The following ATRNL1 variants were observed in gnomAD, a reference collection of about 807,000 sequenced individuals.
ATRNL1 encodes the protein attractin-like protein 1.
Under a neutral mutation model 182.7 loss-of-function variants are expected in ATRNL1, and 95 were observed. The observed-to-expected ratio is 0.52, with a 90% confidence interval of 0.44 to 0.62. The LOEUF (loss-of-function observed/expected upper bound fraction) is 0.62, where lower values mean the gene tolerates loss of function less well. Ranked by LOEUF, ATRNL1 falls within the 20% of genes least tolerant of loss-of-function variation. The probability of loss-of-function intolerance (pLI) is 0.00; values close to 1 mark genes in which losing one functional copy is unlikely to be tolerated. For missense variants in ATRNL1, 1,471 were observed against 1,679.5 expected (o/e 0.88, Z 2.17); for synonymous variants, 576 against 568.3 (o/e 1.01, Z -0.19).
chr10:115,323,917 A>G (rs36063526), intron 18 of ATRNL1, among the ~76,000 whole-genome samples: 47,877 of 151,536 alleles, frequency 0.32, 8,706 homozygotes, highest in Middle Eastern at 0.45. Context: ...AGCTGGAACT[A>G]CAGGCGCCTG....
At chr10:115,841,430 A>C (rs1950806304) in intron 27 of ATRNL1, among the ~76,000 whole-genome samples, 1 of 152,108 alleles carries the variant, frequency 6.6e-6, no homozygotes, top group African/African-American at 2.4e-5. Flanking sequence ...GAAACTTTGA[A>C]CACAGATTGA....
chr10:115,234,834 C>T (rs1592300236), intron 9 of ATRNL1, among the ~76,000 whole-genome samples: 1 of 152,184 alleles, frequency 6.6e-6, no homozygotes. Flanking sequence ...AGCCATCCGC[C>T]CGCCTTGGCC....
intron 19 of ATRNL1, among the ~76,000 whole-genome samples, chr10:115,386,100 G>A (rs1261619123): frequency 6.6e-6 from 1 of 151,942 alleles, no homozygotes; most frequent in Admixed American, 6.6e-5. Context: ...ATAGCCGGCT[G>A]GAATTGTATT....
At chr10:115,822,077 G>A (rs1950314677) in intron 27 of ATRNL1, among the ~76,000 whole-genome samples, 1 of 152,094 alleles carries the variant, frequency 6.6e-6, no homozygotes, top group Non-Finnish European at 1.5e-5. Flanking sequence ...ATAACAAACA[G>A]TCTCTTAGAC....
At position 115,622,710 on chromosome 10, in the gene ATRNL1, G is replaced by A. The variant is rs1226892287; in HGVS notation, c.3795+73174G>A. Among the ~76,000 whole-genome samples, 5 of 152,242 alleles carry A rather than the reference G, an allele frequency of 3.3e-5. No homozygotes were observed. The East Asian group carries it at 7.7e-4, about 24-fold the overall frequency. On this transcript the variant is annotated intron_variant, in intron 26 of 28. Transcript: ENST00000355044. Reference sequence around the variant, plus strand: ...TGGGAGGCCGAGGCAGGTGGATCACGAGGTCAGGAGATCGAGACCATCCTG... The same window carrying A: ...TGGGAGGCCGAGGCAGGTGGATCACAAGGTCAGGAGATCGAGACCATCCTG...
chr10:115,142,291 C>T (rs1845784217), intron 5 of ATRNL1, among the ~76,000 whole-genome samples: 1 of 152,104 alleles, frequency 6.6e-6, no homozygotes, highest in Non-Finnish European at 1.5e-5. Flanking sequence ...ATATAGATAT[C>T]TAGGGGAAGA....
chr10:115,179,027 T>A (rs1847644372), intron 8 of ATRNL1, among the ~76,000 whole-genome samples: 1 of 152,160 alleles, frequency 6.6e-6, no homozygotes, highest in Admixed American at 6.6e-5. Flanking sequence ...ATATATTAAA[T>A]GCTTGATAAA....
intron 28 of ATRNL1, among the ~76,000 whole-genome samples, chr10:115,907,358 A>G (rs1422770077): frequency 1.3e-5 from 2 of 152,240 alleles, no homozygotes; most frequent in Non-Finnish European, 2.9e-5. Flanking sequence ...TCATTCATAC[A>G]GTTGAGCTCA....
chr10:115,635,101 C>G (rs1807754983), intron 26 of ATRNL1, among the ~76,000 whole-genome samples: 1 of 152,004 alleles, frequency 6.6e-6, no homozygotes, highest in South Asian at 2.1e-4. Flanking sequence ...CTAAATGAGA[C>G]TTTTCAAATC....
rs1280124905 is a variant in ATRNL1, at chr10:115,193,075, A to C, written c.1348+21783A>C. ...GTCCTTTATTTCTTTCTCTTGTCTAATTGCTGTAGCTAGGACTTCCAGTAC... is the reference window on the plus strand; with the variant it reads ...GTCCTTTATTTCTTTCTCTTGTCTACTTGCTGTAGCTAGGACTTCCAGTAC... On this transcript the variant is annotated intron_variant, in intron 8 of 28. Coordinates refer to ENST00000355044, the MANE Select transcript of ATRNL1 (RefSeq NM_207303.4). 1.1e-4 allele frequency among the ~76,000 whole-genome samples: 17 copies of C among 151,974 alleles called. No homozygotes were observed. In the South Asian group the frequency reaches 3.5e-3, roughly 32 times the overall value.
chr10:115,491,130 A>G (rs1452481808), intron 24 of ATRNL1, among the ~76,000 whole-genome samples: 3 of 152,114 alleles, frequency 2.0e-5, no homozygotes, highest in African/African-American at 7.2e-5. Context: ...GGCACCTGCC[A>G]AATGCCAGCC....
intron 13 of ATRNL1, among the ~76,000 whole-genome samples, chr10:115,280,341 T>G (rs74159845): frequency 0.021 from 3,137 of 152,266 alleles, 105 homozygotes; most frequent in African/African-American, 0.071. Context: ...AAGCTATTGA[T>G]TATGAAATCA....
At chr10:115,770,651 T>A (rs1445772706) in intron 27 of ATRNL1, among the ~76,000 whole-genome samples, 2 of 152,174 alleles carry the variant, frequency 1.3e-5, no homozygotes, top group African/African-American at 4.8e-5. Flanking sequence ...TCTGGTATTA[T>A]ATAAATACAC....
At chr10:115,818,936 C>G (rs1192140196) in intron 27 of ATRNL1, among the ~76,000 whole-genome samples, 1 of 152,086 alleles carries the variant, frequency 6.6e-6, no homozygotes, top group Non-Finnish European at 1.5e-5. Flanking sequence ...TCCAAGAAAA[C>G]CTGCAATTAC....
intron 3 of ATRNL1, among the ~76,000 whole-genome samples, chr10:115,124,939 A>G (rs761068853): frequency 4.9e-4 from 75 of 152,194 alleles, no homozygotes; most frequent in Non-Finnish European, 8.7e-4. Flanking sequence ...AAGGAGTTCT[A>G]TATAATTTCA....
At chr10:115,248,250 A>C (rs2133835789) in intron 10 of ATRNL1, among the ~76,000 whole-genome samples, 1 of 152,310 alleles carries the variant, frequency 6.6e-6, no homozygotes, top group African/African-American at 2.4e-5. Flanking sequence ...ATCACTATAC[A>C]TTATATGTAT....
intron 3 of ATRNL1, among the ~76,000 whole-genome samples, chr10:115,125,710 A>G (rs1262226196): frequency 1.3e-5 from 2 of 152,184 alleles, no homozygotes; most frequent in African/African-American, 2.4e-5. Context: ...GCCTAACTTT[A>G]GGTAGTTTGC....
chr10:115,896,259 C>G (rs1952205000), intron 28 of ATRNL1, among the ~76,000 whole-genome samples: 1 of 152,142 alleles, frequency 6.6e-6, no homozygotes, highest in Non-Finnish European at 1.5e-5. Flanking sequence ...AGTAATGACT[C>G]ACAAGTTGGA....
At chr10:115,512,370 A>G (rs1554982853) in intron 24 of ATRNL1, among the ~76,000 whole-genome samples, 1 of 151,844 alleles carries the variant, frequency 6.6e-6, no homozygotes, top group Admixed American at 6.6e-5. Context: ...ATGTAATGCC[A>G]CCTAATTGAG....
Sources: allele counts gnomAD v4.1 joint callset (sites outside exome capture counted in the v4.1 genomes callset), GRCh38; gene constraint gnomAD v4.1.1; transcripts MANE v1.5; gene names NCBI Gene and HGNC (gene_info 2026-07-23, HGNC 2026-07-21).